The following STT3B variants were observed in gnomAD, a reference collection of about 807,000 sequenced individuals.
STT3B encodes the protein dolichyl-diphosphooligosaccharide--protein glycosyltransferase subunit STT3B.
STT3B carries 29 observed loss-of-function variants against 96.8 expected under a neutral mutation model. The observed-to-expected ratio is 0.30, with a 90% CI of 0.22 to 0.41. The LOEUF is 0.41. Among genes scored for constraint, STT3B ranks in the 10% least tolerant of loss-of-function variants. The pLI is 1.00. For synonymous variants in STT3B, 367 were observed against 360.0 expected (o/e 1.02, Z -0.22); for missense variants, 640 against 1,022.3 (o/e 0.63, Z 5.10).
intron 14 of STT3B, among the ~76,000 whole-genome samples, chr3:31,630,272 ACT>A (rs1184950678): frequency 6.6e-6 from 1 of 152,104 alleles, no homozygotes; most frequent in Non-Finnish European, 1.5e-5. Flanking sequence ...CAACTCTAAG[ACT>A]CTTATCAGCC....
chr3:31,553,221 G>A (rs946561845), intron 1 of STT3B, among the ~76,000 whole-genome samples: 4 of 151,994 alleles, frequency 2.6e-5, no homozygotes, highest in Non-Finnish European at 4.4e-5. Flanking sequence ...TCTTAAATAC[G>A]TGTCTACTAT....
At chr3:31,561,562 C>T (rs955624098) in intron 1 of STT3B, among the ~76,000 whole-genome samples, 2 of 152,140 alleles carry the variant, frequency 1.3e-5, no homozygotes, top group East Asian at 3.9e-4. Context: ...ATCCCCACCT[C>T]CCCACCAAAC....
At chr3:31,541,067 TAC>T (rs1401232754) in intron 1 of STT3B, among the ~76,000 whole-genome samples, 1 of 152,242 alleles carries the variant, frequency 6.6e-6, no homozygotes, top group Non-Finnish European at 1.5e-5. Context: ...AGCACTCTTG[TAC>T]AGTTATATTC....
chr3:31,588,989 A>G lies in STT3B; in HGVS notation c.712-7809A>G, dbSNP rs531609943. Among the ~76,000 whole-genome samples, 23 of 152,130 alleles carry G rather than the reference A, an allele frequency of 1.5e-4. No homozygotes were observed. The South Asian group carries it at 4.4e-3, about 29-fold the overall frequency. ...TTTTGCCTTTCCATATAAACATTCA[A>G]ATTGATTTGTTGATGTCCACAAAGT... is the stretch of plus-strand genomic sequence containing the variant. On this transcript the variant is annotated intron_variant, in intron 3 of 15. Transcript: ENST00000295770.
chr3:31,634,555 T>C (rs2125481782), intron 15 of STT3B, among the ~76,000 whole-genome samples: 1 of 152,362 alleles, frequency 6.6e-6, no homozygotes, highest in Admixed American at 6.5e-5. Context: ...TATGAAGGAA[T>C]GCTTTTTATA....
At chr3:31,547,653 C>CG (rs1697449562) in intron 1 of STT3B, among the ~76,000 whole-genome samples, 1 of 152,124 alleles carries the variant, frequency 6.6e-6, no homozygotes. Context: ...CTCAGAAGAA[C>CG]GCTGTAGGCA....
intron 11 of STT3B, 68 bp from the exon 12 acceptor site, chr3:31,624,846 C>G: frequency 7.7e-7 from 1 of 1,302,434 alleles, no homozygotes; most frequent in South Asian, 1.4e-5. Flanking sequence ...TTTAATACCT[C>G]AAGATTTTAA....
intron 3 of STT3B, among the ~76,000 whole-genome samples, chr3:31,592,974 A>G (rs569095002): frequency 2.0e-5 from 3 of 152,292 alleles, no homozygotes; most frequent in South Asian, 2.1e-4. Context: ...CTGCTCTTCT[A>G]TGACAAAAAG....
chr3:31,594,461 C>T (rs1187559186), intron 3 of STT3B, among the ~76,000 whole-genome samples: 4 of 150,674 alleles, frequency 2.7e-5, no homozygotes, highest in Non-Finnish European at 5.9e-5. Flanking sequence ...GATGGAGTCT[C>T]GCTCTGTCCA....
intron 1 of STT3B, among the ~76,000 whole-genome samples, chr3:31,561,081 C>T (rs1187676776): frequency 6.6e-6 from 1 of 151,740 alleles, no homozygotes; most frequent in Non-Finnish European, 1.5e-5. Flanking sequence ...TTCTTATGTT[C>T]TAGAATTTCT....
Position 31,616,913 on chromosome 3 carries a change from C to A in STT3B, c.977-16C>A. On this transcript the variant is annotated splice_polypyrimidine_tract_variant and intron_variant, in intron 6 of 15. Coordinates refer to ENST00000295770, the MANE Select transcript of STT3B (RefSeq NM_178862.3). ...AAAACTGCTTTGTTGATTATGTGAC[C>A]CTTTTCTTTAATTAGGTGTCTTTGC... is the stretch of plus-strand genomic sequence containing the variant. 1 of 1,583,528 alleles carries A rather than the reference C, an allele frequency of 6.3e-7. No homozygotes were observed. Among genetic ancestry groups the A allele is most frequent in the Non-Finnish European group, 8.6e-7 (1 of 1,162,484 alleles).
At chr3:31,605,844 A>G (rs1387579614) in intron 5 of STT3B, among the ~76,000 whole-genome samples, 1 of 152,222 alleles carries the variant, frequency 6.6e-6, no homozygotes, top group African/African-American at 2.4e-5. Flanking sequence ...GCTCAGGAGA[A>G]GGCAGGAAAA....
chr3:31,633,954 A>G (rs1231395697), intron 15 of STT3B, among the ~76,000 whole-genome samples: 1 of 152,164 alleles, frequency 6.6e-6, no homozygotes, highest in Non-Finnish European at 1.5e-5. Context: ...ATCTTATATC[A>G]TTGAAACAAC....
Position 31,617,080 on chromosome 3 carries a change from G to A in STT3B, c.1123+5G>A. On this transcript the variant is annotated splice_donor_5th_base_variant and intron_variant, in intron 7 of 15. Transcript: ENST00000295770. ...TCATCTATTTGACTTATACAGGTAC[G>A]TGTTATCACCTGTAGGGTGTGAATA... 2 of 1,596,638 alleles carry A rather than the reference G, an allele frequency of 1.3e-6. No individual in the cohort carries two copies. Among genetic ancestry groups the A allele is most frequent in the Non-Finnish European group, 1.7e-6 (2 of 1,168,082 alleles).
At chr3:31,541,118 A>G (rs1238496812) in intron 1 of STT3B, among the ~76,000 whole-genome samples, 2 of 152,246 alleles carry the variant, frequency 1.3e-5, no homozygotes, top group Non-Finnish European at 2.9e-5. Context: ...AAACAAGAGC[A>G]AAGAAATGAG....
chr3:31,580,877 T>C (rs1038457194), intron 3 of STT3B, among the ~76,000 whole-genome samples: 3 of 151,890 alleles, frequency 2.0e-5, no homozygotes, highest in African/African-American at 7.2e-5. Context: ...ATGTTGCCAG[T>C]GCTGCTGTAC....
intron 13 of STT3B, among the ~76,000 whole-genome samples, chr3:31,626,508 T>C (rs1699542074): frequency 6.6e-6 from 1 of 152,088 alleles, no homozygotes; most frequent in African/African-American, 2.4e-5. Context: ...GTTTCCTCCC[T>C]CCCAGTGTAA....
At chr3:31,579,265 G>A (rs1455956964) in intron 2 of STT3B, among the ~76,000 whole-genome samples, 1 of 151,756 alleles carries the variant, frequency 6.6e-6, no homozygotes, top group Non-Finnish European at 1.5e-5. Flanking sequence ...TCTTTTCCTA[G>A]CTAGACTGTT....
At chr3:31,634,062 A>C (rs1259988734) in intron 15 of STT3B, among the ~76,000 whole-genome samples, 1 of 152,204 alleles carries the variant, frequency 6.6e-6, no homozygotes, top group Non-Finnish European at 1.5e-5. Flanking sequence ...TAACGGTGTG[A>C]TATGTAAATG....
Sources: gnomAD v4.1 joint callset for allele counts (sites outside exome capture counted in the v4.1 genomes callset) on GRCh38, gnomAD v4.1.1 for gene constraint, MANE v1.5 for transcripts, NCBI Gene and HGNC (gene_info 2026-07-23, HGNC 2026-07-21) for gene names.